The following ARMC8 variants were observed in gnomAD, a reference collection of about 807,000 sequenced individuals.
The protein encoded by ARMC8 is armadillo repeat containing 8, also known as armadillo repeat-containing protein 8.
In ARMC8, 20 loss-of-function variants were observed where a neutral mutation model predicts 99.3. The observed-to-expected ratio is 0.20, with a 90% confidence interval of 0.14 to 0.29. The LOEUF is 0.29. Among genes scored for constraint, ARMC8 ranks in the 10% least tolerant of loss-of-function variants. The pLI is 1.00. For missense variants in ARMC8, 569 were observed against 809.5 expected (o/e 0.70, Z 3.60); for synonymous variants, 263 against 278.3 (o/e 0.95, Z 0.55).
At position 138,270,047 on chromosome 3, in the gene ARMC8, T is replaced by C; in HGVS notation, c.1394T>C (p.Leu465Ser). Residue 465 changes from leucine to serine, a missense_variant, in exon 16 of 22, where the codon TTG (leucine) becomes TCG (serine). Leu to Ser is a moderately radical substitution (Grantham distance 145). Around this residue, in one of 2 missense-constraint regions of ARMC8, gnomAD observed 227 missense variants for 417.9 expected, o/e 0.54. Coordinates refer to ENST00000469044, the MANE Select transcript of ARMC8 (RefSeq NM_001363941.2). ...TTCCCTGTCCAATGGCAGCCAATTT[T>C]GGAATCAGGAGCCGTAGAGCTACTT... ...LEFSPSKEPI[L>S]ESGAVELLCG... 1 of 1,612,522 alleles carries C rather than the reference T, an allele frequency of 6.2e-7. No individual in the cohort carries two copies. Among genetic ancestry groups the C allele is most frequent in the Non-Finnish European group, 8.5e-7 (1 of 1,178,968 alleles).
chr3:138,235,303 C>CT (rs1332056560), intron 7 of ARMC8, among the ~76,000 whole-genome samples, 189 bp downstream of exon 7: 1 of 150,598 alleles, frequency 6.6e-6, no homozygotes, highest in Non-Finnish European at 1.5e-5. Context: ...CCTTGCATCT[C>CT]TTTTTTAGGA....
chr3:138,286,956 T>G (rs982380586), intron 19 of ARMC8, among the ~76,000 whole-genome samples: 1 of 152,188 alleles, frequency 6.6e-6, no homozygotes, highest in Non-Finnish European at 1.5e-5. Context: ...TCACTCAATT[T>G]ATCAACAAGT....
intron 1 of ARMC8, among the ~76,000 whole-genome samples, chr3:138,201,725 C>T (rs540156095): frequency 6.6e-6 from 1 of 152,290 alleles, no homozygotes; most frequent in East Asian, 1.9e-4. Context: ...TCCCAAAGTG[C>T]TGGGATTACA....
chr3:138,288,518 C>T (rs1010132596), intron 19 of ARMC8, among the ~76,000 whole-genome samples: 19 of 152,098 alleles, frequency 1.2e-4, no homozygotes, highest in Non-Finnish European at 1.6e-4. Context: ...AAGGCTTGTA[C>T]TCCTCAATTT....
chr3:138,200,266 A>G (rs974874832), intron 1 of ARMC8, among the ~76,000 whole-genome samples: 4 of 152,242 alleles, frequency 2.6e-5, no homozygotes, highest in Admixed American at 6.5e-5. Context: ...GTTTGTAAAT[A>G]TACATAGTTT....
intron 12 of ARMC8, 108 bp from the exon 13 acceptor site, chr3:138,263,631 C>A: frequency 9.5e-7 from 1 of 1,056,528 alleles, no homozygotes; most frequent in Non-Finnish European, 1.5e-6. Flanking sequence ...AAACTCTTGC[C>A]AAAAACAACG....
chr3:138,212,308 C>CT (rs898136861), intron 2 of ARMC8, among the ~76,000 whole-genome samples: 6,884 of 131,680 alleles, frequency 0.052, 210 homozygotes, highest in African/African-American at 0.072. Context: ...TTTAAGTAAT[C>CT]TTTTTTTTTT....
At chr3:138,216,497 T>A (rs2045050825) in intron 2 of ARMC8, among the ~76,000 whole-genome samples, 1 of 152,232 alleles carries the variant, frequency 6.6e-6, no homozygotes, top group African/African-American at 2.4e-5. Context: ...ACCTCATTCC[T>A]TAACCATGCA....
At chr3:138,222,749 A>G (rs1296809243) in intron 3 of ARMC8, among the ~76,000 whole-genome samples, 1 of 152,172 alleles carries the variant, frequency 6.6e-6, no homozygotes, top group Admixed American at 6.5e-5. Flanking sequence ...TATGTTTGGT[A>G]TATATAAATA....
At chr3:138,231,354 A>G (rs2046017151) in intron 6 of ARMC8, among the ~76,000 whole-genome samples, 1 of 152,186 alleles carries the variant, frequency 6.6e-6, no homozygotes, top group Non-Finnish European at 1.5e-5. Flanking sequence ...ACATTAAGCT[A>G]AGATTAAATG....
intron 1 of ARMC8, among the ~76,000 whole-genome samples, chr3:138,192,696 G>C (rs1193061015): frequency 2.0e-5 from 3 of 152,112 alleles, no homozygotes; most frequent in African/African-American, 2.4e-5. Flanking sequence ...GACTACAGGT[G>C]TGTGCCACCA....
intron 19 of ARMC8, among the ~76,000 whole-genome samples, chr3:138,286,015 G>A (rs2050371833): frequency 1.3e-5 from 2 of 152,076 alleles, no homozygotes; most frequent in South Asian, 4.1e-4. Flanking sequence ...CGCGATCTTG[G>A]CTCACCACAA....
In ARMC8 at chr3:138,244,212, A is replaced by G. The variant is rs151082718; in HGVS notation, c.1039-876A>G. Among the ~76,000 whole-genome samples, 9 of 152,280 alleles carry G rather than the reference A, an allele frequency of 5.9e-5. No individual in the cohort carries two copies. The East Asian group carries it at 1.7e-3, about 29-fold the overall frequency. On this transcript the variant is annotated intron_variant, in intron 11 of 21. Transcript: ENST00000469044. ...TAGATAATAATGGTTACCATAGTAT[A>G]CGGTTTGTTAAGCATTTTCACAATG...
intron 12 of ARMC8, 123 bp from the exon 13 acceptor site, chr3:138,263,616 G>A (rs980987843): frequency 2.3e-6 from 2 of 860,958 alleles, no homozygotes; most frequent in African/African-American, 3.3e-5. Flanking sequence ...TTGTTTGAGA[G>A]GTAAAAACTC....
chr3:138,278,528 T>G (rs2049539364), intron 18 of ARMC8, among the ~76,000 whole-genome samples: 1 of 152,108 alleles, frequency 6.6e-6, no homozygotes, highest in African/African-American at 2.4e-5. Context: ...TCTATACATT[T>G]GGTAAATAAA....
intron 17 of ARMC8, among the ~76,000 whole-genome samples, chr3:138,273,608 G>A (rs925970878): frequency 1.3e-5 from 2 of 152,156 alleles, no homozygotes; most frequent in Non-Finnish European, 2.9e-5. Flanking sequence ...GCTGAGCCTT[G>A]CTGGTGGGAT....
At position 138,237,552 on chromosome 3, in the gene ARMC8, G is replaced by A. The variant is rs1439182279; in HGVS notation, c.756G>A (p.Met252Ile). ...TACAGAGGGATAAGCCTATTGAGAT[G>A]CAGCTCACATCAGCAAAATGGTAAA... ...KMLQRDKPIE[M>I]QLTSAKCLTY... Residue 252 changes from methionine to isoleucine, a missense_variant, in exon 9 of 22, where the codon ATG becomes ATA. Around this residue, in one of 2 missense-constraint regions of ARMC8, gnomAD observed 342 missense variants for 391.6 expected, o/e 0.87. Transcript: ENST00000469044. 1 of 1,613,120 alleles carries A rather than the reference G, an allele frequency of 6.2e-7. No individual in the cohort carries two copies. Among genetic ancestry groups the A allele is most frequent in the Non-Finnish European group, 8.5e-7 (1 of 1,179,850 alleles).
At chr3:138,236,749 AC>A (rs899260515) in intron 7 of ARMC8, among the ~76,000 whole-genome samples, 7 of 151,982 alleles carry the variant, frequency 4.6e-5, no homozygotes, top group East Asian at 1.9e-4. Context: ...AAAAAAAAAA[AC>A]ATCTCTTAGG....
At chr3:138,224,405 G>C (rs2045574414) in intron 5 of ARMC8, among the ~76,000 whole-genome samples, 1 of 152,196 alleles carries the variant, frequency 6.6e-6, no homozygotes, top group Non-Finnish European at 1.5e-5. Flanking sequence ...TGGTGCCCCT[G>C]CACCTCAGCC....
Sources: gnomAD v4.1 joint callset for allele counts (sites outside exome capture counted in the v4.1 genomes callset) on GRCh38, gnomAD v4.1.1 for gene constraint, gnomAD v4.1.1 regional missense constraint, MANE v1.5 for transcripts, NCBI Gene and HGNC (gene_info 2026-07-23, HGNC 2026-07-21) for gene names.